The following FNDC3B variants were observed in gnomAD, a reference collection of about 807,000 sequenced individuals.
FNDC3B encodes the protein fibronectin type III domain-containing protein 3B.
FNDC3B carries 12 observed loss-of-function variants against 151.5 expected under a neutral mutation model. That is an observed-to-expected ratio of 0.08 (90% CI 0.05 to 0.13). FNDC3B has a LOEUF of 0.13. Ranked by LOEUF, FNDC3B falls within the 10% of genes least tolerant of loss-of-function variation. FNDC3B has a pLI of 1.00. For synonymous variants in FNDC3B, 528 were observed against 549.0 expected, an observed-to-expected ratio of 0.96 and a Z score of 0.54; for missense variants, 1,214 against 1,505.3, an observed-to-expected ratio of 0.81 and a Z score of 3.20.
At chr3:172,220,942 A>G (rs1726249197) in intron 3 of FNDC3B, among the ~76,000 whole-genome samples, 1 of 152,258 alleles carries the variant, frequency 6.6e-6, no homozygotes. Flanking sequence ...AAAAATAAAT[A>G]AATCTTCTTT....
intron 3 of FNDC3B, among the ~76,000 whole-genome samples, chr3:172,172,298 C>T (rs535126182): frequency 6.6e-6 from 1 of 152,184 alleles, no homozygotes; most frequent in South Asian, 2.1e-4. Context: ...TAAAACTTAC[C>T]TAGATCTTAA....
chr3:172,383,966 T>C (rs1735580141), intron 25 of FNDC3B, among the ~76,000 whole-genome samples: 1 of 151,566 alleles, frequency 6.6e-6, no homozygotes, highest in East Asian at 1.9e-4. Context: ...AACATAAAGA[T>C]GAAAATAAAT....
intron 10 of FNDC3B, among the ~76,000 whole-genome samples, chr3:172,310,405 T>G (rs1250431302): frequency 6.6e-6 from 1 of 152,176 alleles, no homozygotes; most frequent in Non-Finnish European, 1.5e-5. Context: ...ATTAAAAAGC[T>G]GTATGTGGGA....
intron 1 of FNDC3B, among the ~76,000 whole-genome samples, chr3:172,059,808 T>C (rs1717101850): frequency 6.6e-6 from 1 of 152,236 alleles, no homozygotes. Flanking sequence ...CGGATGGTTT[T>C]ATGTAAGGAT....
chr3:172,218,834 C>T (rs1044681748), intron 3 of FNDC3B, among the ~76,000 whole-genome samples: 4 of 152,194 alleles, frequency 2.6e-5, no homozygotes, highest in African/African-American at 9.6e-5. Flanking sequence ...AAGAAGTAGT[C>T]ACAGGTTGGA....
chr3:172,198,269 T>TG lies in FNDC3B; in HGVS notation c.188-28595dup, dbSNP rs1468712644. Among the ~76,000 whole-genome samples, 32 of 152,154 alleles carry TG rather than the reference T, an allele frequency of 2.1e-4. 1 individual carries two copies. Among genetic ancestry groups the TG allele is most frequent in the Admixed American group, 5.9e-4 (9 of 15,282 alleles). ...AATCGTATTTAGAAGCCAAGATCTGTGGGGGGGTACATGTGCCTGTTAGTA... is the reference window on the plus strand; with the variant it reads ...AATCGTATTTAGAAGCCAAGATCTGTGGGGGGGGTACATGTGCCTGTTAGTA... On this transcript the variant is annotated intron_variant, in intron 3 of 25. Transcript: ENST00000415807.
chr3:172,343,985 C>A, intron 18 of FNDC3B, 101 bp from the exon 19 acceptor site: 1 of 1,036,846 alleles, frequency 9.6e-7, no homozygotes, highest in Non-Finnish European at 1.4e-6. Context: ...CTGAGGCCGG[C>A]CACCTATGTG....
chr3:172,281,515 C>T (rs912057735), intron 6 of FNDC3B, among the ~76,000 whole-genome samples: 5 of 152,128 alleles, frequency 3.3e-5, no homozygotes, highest in African/African-American at 7.2e-5. Flanking sequence ...AAAATGGTTT[C>T]GATCTGTTTA....
intron 4 of FNDC3B, among the ~76,000 whole-genome samples, chr3:172,235,570 G>C (rs1458349853): frequency 6.6e-6 from 1 of 152,178 alleles, no homozygotes; most frequent in Admixed American, 6.5e-5. Flanking sequence ...ATCTGAGTGG[G>C]ATAGTACAGT....
intron 1 of FNDC3B, among the ~76,000 whole-genome samples, chr3:172,043,346 CTTTA>C (rs1444191441): frequency 6.6e-6 from 1 of 152,016 alleles, no homozygotes; most frequent in Non-Finnish European, 1.5e-5. Flanking sequence ...TCATATTGCT[CTTTA>C]TTTTACTTTG....
chr3:172,205,077 C>T (rs1725354927), intron 3 of FNDC3B, among the ~76,000 whole-genome samples: 1 of 152,138 alleles, frequency 6.6e-6, no homozygotes, highest in African/African-American at 2.4e-5. Context: ...GTTGCCTGGC[C>T]TTAGTCAGTG....
At chr3:172,349,991 A>G (rs564075804) in intron 21 of FNDC3B, among the ~76,000 whole-genome samples, 21 of 152,124 alleles carry the variant, frequency 1.4e-4, no homozygotes, top group African/African-American at 1.9e-4. Flanking sequence ...TCATTATTCT[A>G]TAGTTCTGTA....
At chr3:172,263,817 C>G (rs918014421) in intron 6 of FNDC3B, among the ~76,000 whole-genome samples, 1 of 152,030 alleles carries the variant, frequency 6.6e-6, no homozygotes, top group South Asian at 2.1e-4. Flanking sequence ...CGCATGAGGA[C>G]TGTTTAGAGT....
At chr3:172,169,199 T>G (rs1723168588) in intron 3 of FNDC3B, among the ~76,000 whole-genome samples, 2 of 152,140 alleles carry the variant, frequency 1.3e-5, no homozygotes, top group Non-Finnish European at 1.5e-5. Context: ...CAAAAGGTGC[T>G]TTGAACCCTT....
At position 172,069,860 on chromosome 3, in the gene FNDC3B, C is replaced by T. The variant is rs768040992; in HGVS notation, c.-29+30089C>T. On this transcript the variant is annotated intron_variant, in intron 1 of 25. Coordinates refer to ENST00000415807, the MANE Select transcript of FNDC3B (RefSeq NM_022763.4). ...GTGATGCCTTATATTTAAATACCAC[C>T]GTATTTCCAAATCTGTTTCTATTAT... 6.6e-5 allele frequency among the ~76,000 whole-genome samples: 10 copies of T among 152,252 alleles called. No homozygotes were observed. The South Asian group carries it at 1.0e-3, about 16-fold the overall frequency.
chr3:172,269,943 G>C (rs576157516), intron 6 of FNDC3B, among the ~76,000 whole-genome samples: 2 of 152,130 alleles, frequency 1.3e-5, no homozygotes, highest in African/African-American at 4.8e-5. Context: ...CACCGCACGC[G>C]GCCTAAATCT....
rs71179981 is a variant in FNDC3B, at chr3:172,239,856, C to CTTTTTTTTTTTTTTTTTTTT, written c.265-7666_265-7647dup. 3.2e-4 allele frequency among the ~76,000 whole-genome samples: 16 copies of CTTTTTTTTTTTTTTTTTTTT among 49,926 alleles called. 1 individual carries two copies. Among genetic ancestry groups the CTTTTTTTTTTTTTTTTTTTT allele is most frequent in the Non-Finnish European group, 4.0e-4 (11 of 27,566 alleles). The allele number at this position is 49,926 out of a possible 152,430, so 32.8% of individuals were successfully genotyped here. The stretch of plus-strand genomic sequence containing the variant: ...TGTTTTTAGGAGATCCATTTTAGTT[C>CTTTTTTTTTTTTTTTTTTTT]TTTTTTTTTTTTTTTTTTTTTTTTT... On this transcript the variant is annotated intron_variant, in intron 4 of 25. Transcript: ENST00000415807.
chr3:172,310,372 CT>C (rs1163162179), intron 10 of FNDC3B, among the ~76,000 whole-genome samples: 2 of 152,178 alleles, frequency 1.3e-5, no homozygotes, highest in Non-Finnish European at 1.5e-5. Context: ...TGATGGCTTT[CT>C]AATCTTAAGT....
At chr3:172,380,464 G>C (rs1297676312) in intron 24 of FNDC3B, among the ~76,000 whole-genome samples, 5 of 152,094 alleles carry the variant, frequency 3.3e-5, no homozygotes, top group Admixed American at 2.6e-4. Context: ...ACTTTCCTTA[G>C]ACCCTCACCC....
Sources: gnomAD v4.1 joint callset for allele counts (sites outside exome capture counted in the v4.1 genomes callset) on GRCh38, gnomAD v4.1.1 for gene constraint, MANE v1.5 for transcripts, NCBI Gene and HGNC (gene_info 2026-07-23, HGNC 2026-07-21) for gene names.